TRHDE: variants seen among roughly 807,000 people sequenced by gnomAD.
TRHDE encodes thyrotropin releasing hormone degrading enzyme.
TRHDE carries 72 observed loss-of-function variants against 125.7 expected under a neutral mutation model. The ratio of observed to expected loss-of-function variants is 0.57; its 90% CI spans 0.47 to 0.70. TRHDE has a LOEUF of 0.70. Ranked by LOEUF, TRHDE falls within the 30% of genes least tolerant of loss-of-function variation. The probability of loss-of-function intolerance (pLI) is 0.00; values close to 1 mark genes in which losing one functional copy is unlikely to be tolerated. For missense variants in TRHDE, 1,110 were observed against 1,327.1 expected (o/e 0.84, Z 2.54); for synonymous variants, 509 against 509.1 (o/e 1.00, Z 0.00).
chr12:72,549,546 C>T (rs1055261611), intron 7 of TRHDE, among the ~76,000 whole-genome samples: 14 of 151,724 alleles, frequency 9.2e-5, no homozygotes, highest in Middle Eastern at 3.4e-3. Flanking sequence ...GATATGCTAT[C>T]GGTAAAAAGG....
intron 7 of TRHDE, chr12:72,560,457 C>T (rs1016635517): frequency 6.6e-6 from 1 of 152,166 alleles, no homozygotes; most frequent in African/African-American, 2.4e-5. Context: ...ATTAGCCTAG[C>T]AGCACTACCC....
At chr12:72,603,762 C>CAAA (rs35615316) in intron 12 of TRHDE, among the ~76,000 whole-genome samples, 20 of 151,022 alleles carry the variant, frequency 1.3e-4, no homozygotes, top group Admixed American at 2.6e-4. Flanking sequence ...ACAACAACAA[C>CAAA]AACAAAAAAA....
chr12:72,515,977 C>T (rs886115956), intron 6 of TRHDE, among the ~76,000 whole-genome samples: 1 of 141,944 alleles, frequency 7.0e-6, no homozygotes, highest in Non-Finnish European at 1.5e-5. Flanking sequence ...TTTCTGAGGG[C>T]TCTGTTCTGT....
chr12:72,226,180 T>G (rs534154245), intron 2 of TRHDE, among the ~76,000 whole-genome samples: 120 of 152,296 alleles, frequency 7.9e-4, no homozygotes, highest in African/African-American at 2.8e-3. Context: ...CTTTATAAGC[T>G]TCTGTGAGAG....
chr12:72,616,623 A>G, intron 12 of TRHDE, among the ~76,000 whole-genome samples: 1 of 152,132 alleles, frequency 6.6e-6, no homozygotes, highest in East Asian at 1.9e-4. Flanking sequence ...AATTTTAGAG[A>G]TGAAATAAAA....
chr12:72,208,270 C>T (rs1032158624), intron 2 of TRHDE, among the ~76,000 whole-genome samples: 5 of 152,112 alleles, frequency 3.3e-5, no homozygotes, highest in African/African-American at 1.2e-4. Flanking sequence ...TCAAATCTCC[C>T]CTTGAACCTA....
chr12:72,295,252 G>A (rs1218957133), intron 2 of TRHDE, among the ~76,000 whole-genome samples: 2 of 152,028 alleles, frequency 1.3e-5, no homozygotes, highest in African/African-American at 4.8e-5. Context: ...GCACTGGGGA[G>A]CCCCACCCCA....
At chr12:72,570,963 T>C (rs902719028) in intron 10 of TRHDE, among the ~76,000 whole-genome samples, 5 of 139,266 alleles carry the variant, frequency 3.6e-5, no homozygotes, top group Non-Finnish European at 6.2e-5. Flanking sequence ...CTTTTGCAGA[T>C]TGCCCATACG....
intron 2 of TRHDE, among the ~76,000 whole-genome samples, chr12:72,139,885 C>T (rs1331059163): frequency 1.3e-5 from 2 of 152,094 alleles, no homozygotes; most frequent in Non-Finnish European, 2.9e-5. Flanking sequence ...TTATCTTCCT[C>T]CCTTTGGAAT....
chr12:72,514,374 CATT>C lies in TRHDE; in HGVS notation c.1722+14742_1722+14744del, dbSNP rs1363639718. On this transcript the variant is annotated intron_variant, in intron 6 of 18. Coordinates refer to ENST00000261180, the MANE Select transcript of TRHDE (RefSeq NM_013381.3). ...ATAAATTTGAGGAAATAAAAAGAGA[CATT>C]ATAAGCAAAATGTAAGCAGACATAA... Among the ~76,000 whole-genome samples, 13 of 151,988 alleles carry C rather than the reference CATT, an allele frequency of 8.6e-5. No individual in the cohort carries two copies. In the East Asian group the frequency reaches 1.9e-3, roughly 23 times the overall value.
intron 6 of TRHDE, among the ~76,000 whole-genome samples, chr12:72,539,554 T>A (rs921905598): frequency 6.6e-6 from 1 of 151,870 alleles, no homozygotes; most frequent in Non-Finnish European, 1.5e-5. Context: ...TACCAAGTCA[T>A]GAGGACACAG....
At chr12:72,406,807 C>T (rs907611386) in intron 3 of TRHDE, among the ~76,000 whole-genome samples, 1 of 152,148 alleles carries the variant, frequency 6.6e-6, no homozygotes, top group Non-Finnish European at 1.5e-5. Context: ...AGCCTTCTCA[C>T]CATAGCATTG....
At chr12:72,540,201 A>G (rs146923474) in intron 6 of TRHDE, among the ~76,000 whole-genome samples, 132 of 151,926 alleles carry the variant, frequency 8.7e-4, no homozygotes, top group Non-Finnish European at 1.5e-3. Flanking sequence ...AGTTAAACAT[A>G]GAAGAGTGCA....
intron 3 of TRHDE, among the ~76,000 whole-genome samples, chr12:72,389,899 A>AATC (rs1412490102): frequency 6.6e-6 from 1 of 152,196 alleles, no homozygotes; most frequent in Non-Finnish European, 1.5e-5. Context: ...CTACTGCATT[A>AATC]ATCTAAGAAA....
At chr12:72,293,272 T>G (rs1306139324) in intron 2 of TRHDE, among the ~76,000 whole-genome samples, 1 of 152,134 alleles carries the variant, frequency 6.6e-6, no homozygotes. Context: ...TCATAGTTTG[T>G]GAATATTTTT....
At chr12:72,361,709 C>T (rs1346826439) in intron 2 of TRHDE, among the ~76,000 whole-genome samples, 1 of 144,874 alleles carries the variant, frequency 6.9e-6, no homozygotes, top group African/African-American at 2.6e-5. Flanking sequence ...CTATCCCTCC[C>T]ACCTCCCCCC....
intron 1 of TRHDE, among the ~76,000 whole-genome samples, chr12:72,092,484 T>A (rs933701125): frequency 1.3e-5 from 2 of 152,212 alleles, no homozygotes; most frequent in African/African-American, 4.8e-5. Context: ...TCTCTTCTTG[T>A]CTCTGGGACC....
At chr12:72,231,883 T>C (rs905900828) in intron 2 of TRHDE, among the ~76,000 whole-genome samples, 1 of 152,146 alleles carries the variant, frequency 6.6e-6, no homozygotes, top group Non-Finnish European at 1.5e-5. Flanking sequence ...TTTTATTTTG[T>C]GTAGGAAAGC....
At chr12:72,133,821 C>G (rs919025704) in intron 2 of TRHDE, among the ~76,000 whole-genome samples, 18 of 152,296 alleles carry the variant, frequency 1.2e-4, no homozygotes, top group African/African-American at 4.3e-4. Flanking sequence ...TGCAGCATCC[C>G]TTTTCTGACA....
Sources: allele counts gnomAD v4.1 joint callset (sites outside exome capture counted in the v4.1 genomes callset), GRCh38; gene constraint gnomAD v4.1.1; transcripts MANE v1.5; gene names NCBI Gene and HGNC (gene_info 2026-07-23, HGNC 2026-07-21).